ACSS3: variants seen among roughly 807,000 people sequenced by gnomAD.
The protein encoded by ACSS3 is acyl-CoA synthetase short-chain family member 3, mitochondrial.
ACSS3 carries 64 observed loss-of-function variants against 84.2 expected under a neutral mutation model. The observed-to-expected ratio is 0.76, with a 90% confidence interval of 0.62 to 0.94. ACSS3 has a LOEUF of 0.94. Ranked by LOEUF, ACSS3 falls within the 40% of genes least tolerant of loss-of-function variation. The pLI, the probability that ACSS3 is intolerant of heterozygous loss-of-function variation, is 0.00. For missense variants in ACSS3, 815 were observed against 867.6 expected (o/e 0.94, Z 0.76); for synonymous variants, 317 against 310.1 (o/e 1.02, Z -0.23).
At chr12:81,089,421 A>G (rs555385951) in intron 1 of ACSS3, among the ~76,000 whole-genome samples, 23 of 152,112 alleles carry the variant, frequency 1.5e-4, no homozygotes, top group Non-Finnish European at 2.9e-4. Context: ...TTGCATTGCA[A>G]CTGGCTCCCT....
chr12:81,123,773 C>T (rs895175281), intron 2 of ACSS3, among the ~76,000 whole-genome samples: 19 of 152,178 alleles, frequency 1.2e-4, no homozygotes, highest in Admixed American at 3.3e-4. Flanking sequence ...CAGCTGCATT[C>T]GTGTTGCTGC....
intron 13 of ACSS3, among the ~76,000 whole-genome samples, chr12:81,234,032 G>A (rs1334213649): frequency 2.0e-5 from 3 of 151,478 alleles, no homozygotes; most frequent in African/African-American, 4.8e-5. Flanking sequence ...TTTCAACGCT[G>A]TCAAATAATT....
At chr12:81,128,139 C>A (rs748191220) in intron 2 of ACSS3, among the ~76,000 whole-genome samples, 7 of 151,752 alleles carry the variant, frequency 4.6e-5, no homozygotes, top group Admixed American at 1.3e-4. Context: ...ATATAAATTT[C>A]AGTTGTTGCA....
Position 81,259,497 on chromosome 12 carries a change from C to T in ACSS3, c.*4575C>T, listed in dbSNP as rs2034647823. Reference sequence around the variant, plus strand: ...GCATTTTATTACAATTTGTAGTAAACTAATCAAATGTAATATCTGACTCCC... The same window carrying T: ...GCATTTTATTACAATTTGTAGTAAATTAATCAAATGTAATATCTGACTCCC... On this transcript the variant is annotated 3_prime_UTR_variant, in exon 16 of 16. Coordinates refer to ENST00000548058, the MANE Select transcript of ACSS3 (RefSeq NM_024560.4). 5.3e-6 allele frequency: 4 copies of T among 758,732 alleles called. No individual in the cohort carries two copies. The highest frequency in any genetic ancestry group is 8.8e-6 in the Non-Finnish European group (4 of 455,946). The allele number at this position is 758,732 out of a possible 1,614,324, so 47.0% of individuals were successfully genotyped here.
intron 7 of ACSS3, 22 bp downstream of exon 7, chr12:81,152,118 C>T (rs748522903): frequency 3.2e-6 from 5 of 1,562,544 alleles, no homozygotes; most frequent in African/African-American, 2.7e-5. Flanking sequence ...AAGTTAATAC[C>T]ACATATAAAT....
chr12:81,199,838 A>G (rs2032019997), intron 9 of ACSS3: 3 of 435,886 alleles, frequency 6.9e-6, no homozygotes, highest in Non-Finnish European at 1.2e-5. Context: ...TTTCCTAATC[A>G]CTCATCTCTA....
In ACSS3 at chr12:81,259,647, T is replaced by C. The variant is rs752578236; in HGVS notation, c.*4725T>C. The C allele has an allele frequency of 3.9e-6, 6 of 1,534,482 alleles. No individual in the cohort carries two copies. The South Asian group carries it at 6.0e-5, about 15-fold the overall frequency. On this transcript the variant is annotated 3_prime_UTR_variant, in exon 16 of 16. Transcript: ENST00000548058. ...GTAGTGCACTTTAGGTAGAGTAGAC[T>C]GAAAAGACGCCATCTAAAATATACA...
chr12:81,213,606 C>T (rs1257590083), intron 9 of ACSS3, among the ~76,000 whole-genome samples: 3 of 17,758 alleles, frequency 1.7e-4, no homozygotes, highest in African/African-American at 4.4e-4. Context: ...CCTCCCCTCC[C>T]CTCCCCTCCC....
intron 3 of ACSS3, 40 bp from the exon 4 acceptor site, chr12:81,139,091 T>C (rs1013882726): frequency 8.8e-6 from 14 of 1,590,528 alleles, no homozygotes; most frequent in Non-Finnish European, 1.2e-5. Context: ...CTAATTAACA[T>C]TGTTAAAGCT....
At chr12:81,121,883 T>C (rs1344966365) in intron 2 of ACSS3, among the ~76,000 whole-genome samples, 2 of 151,506 alleles carry the variant, frequency 1.3e-5, no homozygotes, top group Non-Finnish European at 2.9e-5. Context: ...ACAGTGAAAC[T>C]GCATGAGTGC....
In ACSS3 at chr12:81,260,039, TA is replaced by T. The variant is rs1217446329; in HGVS notation, c.*5123del. ...TCTAGTTCATATATTTTAGAGTTCT[TA>T]AAAAATACCTTTATTTGTTACAAAA... On this transcript the variant is annotated 3_prime_UTR_variant, in exon 16 of 16. Coordinates refer to ENST00000548058, the MANE Select transcript of ACSS3 (RefSeq NM_024560.4). The T allele has an allele frequency of 6.2e-6, 1 of 162,248 alleles. No individual in the cohort carries two copies. Among genetic ancestry groups the T allele is most frequent in the East Asian group, 1.7e-4 (1 of 5,838 alleles). The allele number at this position is 162,248 out of a possible 1,614,324, so 10.1% of individuals were successfully genotyped here. A position where few individuals can be genotyped will look rare whatever the true frequency, so the allele number is the denominator to read the frequency against.
chr12:81,112,937 A>G (rs1234268165), intron 2 of ACSS3, among the ~76,000 whole-genome samples: 1 of 152,272 alleles, frequency 6.6e-6, no homozygotes, highest in East Asian at 1.9e-4. Flanking sequence ...ATGATTCAGA[A>G]GTAGAGGTTT....
intron 8 of ACSS3, among the ~76,000 whole-genome samples, chr12:81,182,344 G>A (rs1277236769): frequency 6.6e-6 from 1 of 152,114 alleles, no homozygotes; most frequent in African/African-American, 2.4e-5. Flanking sequence ...ATAAACAAAA[G>A]CTGAAGGAAT....
intron 7 of ACSS3, among the ~76,000 whole-genome samples, chr12:81,171,604 A>G (rs1011708636): frequency 2.0e-5 from 3 of 152,200 alleles, no homozygotes; most frequent in Non-Finnish European, 4.4e-5. Context: ...TAGTAATGCT[A>G]CATTATCATG....
At chr12:81,117,658 G>A (rs1202292541) in intron 2 of ACSS3, among the ~76,000 whole-genome samples, 1 of 152,154 alleles carries the variant, frequency 6.6e-6, no homozygotes, top group Admixed American at 6.5e-5. Context: ...GGTCAAGACT[G>A]TATCTAATTC....
At chr12:81,226,964 T>TACACAC (rs34439721) in intron 11 of ACSS3, among the ~76,000 whole-genome samples, 43 of 149,026 alleles carry the variant, frequency 2.9e-4, no homozygotes, top group Admixed American at 1.9e-3. Flanking sequence ...CAATAGGATT[T>TACACAC]ACACACACAC....
At chr12:81,125,168 T>C (rs920242906) in intron 2 of ACSS3, among the ~76,000 whole-genome samples, 2 of 151,942 alleles carry the variant, frequency 1.3e-5, no homozygotes, top group African/African-American at 2.4e-5. Flanking sequence ...GAGCCGAGAT[T>C]GCGCCACCGC....
intron 13 of ACSS3, among the ~76,000 whole-genome samples, chr12:81,250,764 ACT>A (rs2136013885): frequency 6.6e-6 from 1 of 152,132 alleles, no homozygotes; most frequent in East Asian, 1.9e-4. Context: ...GACGATTAAA[ACT>A]CTGGTTAGCC....
chr12:81,129,552 G>A (rs895345172), intron 2 of ACSS3, among the ~76,000 whole-genome samples: 10 of 152,016 alleles, frequency 6.6e-5, no homozygotes, highest in Non-Finnish European at 1.2e-4. Context: ...ATGTGATATG[G>A]CCCCAACTTA....
Sources: allele counts gnomAD v4.1 joint callset (sites outside exome capture counted in the v4.1 genomes callset), GRCh38; gene constraint gnomAD v4.1.1; transcripts MANE v1.5; gene names NCBI Gene and HGNC (gene_info 2026-07-23, HGNC 2026-07-21).